POLR1A: variants seen among roughly 807,000 people sequenced by gnomAD.
POLR1A encodes DNA-directed RNA polymerase I subunit RPA1.
In POLR1A, 84 loss-of-function variants were observed where a neutral mutation model predicts 205.3. The ratio of observed to expected loss-of-function variants is 0.41; its 90% confidence interval spans 0.34 to 0.49. POLR1A has a LOEUF of 0.49. Among genes scored for constraint, POLR1A ranks in the 20% least tolerant of loss-of-function variants. The pLI is 0.22. For missense variants in POLR1A, 1,645 were observed against 2,204.5 expected (o/e 0.75, Z 5.08); for synonymous variants, 799 against 863.7 (o/e 0.93, Z 1.31).
chr2:86,095,492 A>G (rs1203215806), intron 3 of POLR1A, among the ~76,000 whole-genome samples: 1 of 152,260 alleles, frequency 6.6e-6, no homozygotes. Flanking sequence ...AAAATAATCA[A>G]TAACATTTTT....
chr2:86,034,210 G>A lies in POLR1A; in HGVS notation c.4035-423C>T, dbSNP rs989766402. 2.6e-5 allele frequency among the ~76,000 whole-genome samples: 4 copies of A among 152,202 alleles called. No individual in the cohort carries two copies. In the East Asian group the frequency reaches 5.8e-4, roughly 22 times the overall value. On this transcript the variant is annotated intron_variant, in intron 27 of 33. Coordinates refer to ENST00000263857, the MANE Select transcript of POLR1A (RefSeq NM_015425.6). ...GACAGTTGTAGGTGCCGCTGTGGTC[G>A]TCCTCTAACAAGGAAGGCAGAATCT...
At chr2:86,049,129 G>A in intron 17 of POLR1A, 31 bp downstream of exon 17, 1 of 1,609,042 alleles carries the variant, frequency 6.2e-7, no homozygotes, top group African/African-American at 1.3e-5. Context: ...ACCCCTCTAG[G>A]GCAGGCCACG....
At chr2:86,102,436 CTGTT>C (rs941520984) in intron 1 of POLR1A, among the ~76,000 whole-genome samples, 4 of 152,188 alleles carry the variant, frequency 2.6e-5, no homozygotes, top group Non-Finnish European at 5.9e-5. Context: ...GGAAAAATGT[CTGTT>C]TAAGTCCTTT....
intron 1 of POLR1A, among the ~76,000 whole-genome samples, chr2:86,103,615 A>G (rs2104440479): frequency 6.6e-6 from 1 of 152,336 alleles, no homozygotes; most frequent in East Asian, 1.9e-4. Context: ...TGATGATATA[A>G]TTGGAATTTC....
At chr2:86,064,854 A>AGCGATTCTCTTGCCTCAGGCTGAG (rs543258877) in intron 14 of POLR1A, among the ~76,000 whole-genome samples, 3 of 151,938 alleles carry the variant, frequency 2.0e-5, no homozygotes, top group Non-Finnish European at 4.4e-5. Flanking sequence ...CCTGGGTTCA[A>AGCGATTCTCTTGCCTCAGGCTGAG]GCGATTCTCT....
At chr2:86,068,402 G>GGGGGGGGGT (rs1319707259) in intron 13 of POLR1A, among the ~76,000 whole-genome samples, 2 of 99,256 alleles carry the variant, frequency 2.0e-5, no homozygotes, top group African/African-American at 3.8e-5. Flanking sequence ...GGGGGGGCGG[G>GGGGGGGGGT]TGTCGTCCAA....
intron 14 of POLR1A, among the ~76,000 whole-genome samples, chr2:86,062,675 CAAAGT>C (rs1673018676): frequency 1.3e-5 from 2 of 151,306 alleles, no homozygotes; most frequent in South Asian, 2.1e-4. Context: ...CAAATTAAAC[CAAAGT>C]AAACAGAAGA....
intron 6 of POLR1A, among the ~76,000 whole-genome samples, chr2:86,087,035 A>G (rs1391507880): frequency 6.6e-6 from 1 of 152,216 alleles, no homozygotes; most frequent in East Asian, 1.9e-4. Flanking sequence ...TAAAAAGGAA[A>G]TTACTGGAAA....
chr2:86,050,593 T>C (rs932288836), intron 16 of POLR1A, among the ~76,000 whole-genome samples: 1 of 152,174 alleles, frequency 6.6e-6, no homozygotes, highest in Non-Finnish European at 1.5e-5. Flanking sequence ...CTCTGGATCA[T>C]CTTCACACTC....
At chr2:86,047,687 C>T (rs1411144056) in intron 18 of POLR1A, among the ~76,000 whole-genome samples, 1 of 152,220 alleles carries the variant, frequency 6.6e-6, no homozygotes, top group Non-Finnish European at 1.5e-5. Context: ...CCAACATCCG[C>T]ATCATGTCAC....
In POLR1A at chr2:86,032,255, C is replaced by T. The variant is rs373782870; in HGVS notation, c.4272+17G>A. 1 of 1,539,256 alleles carries T rather than the reference C, an allele frequency of 6.5e-7. No homozygotes were observed. Among genetic ancestry groups the T allele is most frequent in the Admixed American group, 1.7e-5 (1 of 59,784 alleles). On this transcript the variant is annotated intron_variant, in intron 29 of 33. Coordinates refer to ENST00000263857, the MANE Select transcript of POLR1A (RefSeq NM_015425.6). ...GGCTGGGACCACAGCTCCTTCACCC[C>T]ACACAGGGTCTCTCACCTCCTCCTC...
rs1690197303 is a variant in POLR1A at position 86,023,580 on chromosome 2, G to T, written c.*3843C>A. 6.6e-6 allele frequency: 1 copy of T among 152,112 alleles called. No homozygotes were observed. The allele number at this position is 152,112 out of a possible 1,614,324, so 9.4% of individuals were successfully genotyped here. ...ACATTAGGGTGGCTACTATTAACAAGAACAAGGATGTGGAGAAATTGAAAT... is the reference window on the plus strand; with the variant it reads ...ACATTAGGGTGGCTACTATTAACAATAACAAGGATGTGGAGAAATTGAAAT... On this transcript the variant is annotated 3_prime_UTR_variant, in exon 34 of 34. Coordinates refer to ENST00000263857, the MANE Select transcript of POLR1A (RefSeq NM_015425.6).
At chr2:86,047,713 A>C (rs1672733948) in intron 18 of POLR1A, among the ~76,000 whole-genome samples, 1 of 152,162 alleles carries the variant, frequency 6.6e-6, no homozygotes. Flanking sequence ...CGAACATGCC[A>C]CCCAAGCCCC....
At chr2:86,088,993 TAAAC>T in intron 4 of POLR1A, 123 bp from the exon 5 acceptor site, 1 of 650,728 alleles carries the variant, frequency 1.5e-6, no homozygotes, top group Non-Finnish European at 2.6e-6. Context: ...ACCACTTTCT[TAAAC>T]AAAATCTTCC....
intron 14 of POLR1A, among the ~76,000 whole-genome samples, chr2:86,059,136 G>T (rs1672952349): frequency 6.6e-6 from 1 of 151,838 alleles, no homozygotes; most frequent in African/African-American, 2.4e-5. Context: ...AACACAGGAG[G>T]GGTTAAAAAG....
intron 7 of POLR1A, among the ~76,000 whole-genome samples, chr2:86,082,573 A>T (rs534533485): frequency 6.2e-4 from 94 of 151,518 alleles, no homozygotes; most frequent in Admixed American, 6.2e-3. Flanking sequence ...CTTTAACAAC[A>T]TGTTCATTTG....
chr2:86,080,725 G>A, intron 9 of POLR1A, 91 bp downstream of exon 9: 1 of 1,265,156 alleles, frequency 7.9e-7, no homozygotes, highest in Non-Finnish European at 1.1e-6. Flanking sequence ...ATCCCAGGAA[G>A]CATCTCCCAG....
At chr2:86,042,885 C>T in intron 23 of POLR1A, 89 bp downstream of exon 23, 3 of 916,218 alleles carry the variant, frequency 3.3e-6, no homozygotes, top group Non-Finnish European at 5.4e-6. Flanking sequence ...CATGATTCTA[C>T]CTTCTCTTAG....
At chr2:86,056,627 C>T (rs1282438191) in intron 14 of POLR1A, among the ~76,000 whole-genome samples, 1 of 152,096 alleles carries the variant, frequency 6.6e-6, no homozygotes, top group Admixed American at 6.5e-5. Context: ...TTCACAGCTT[C>T]AAAGGACAGT....
Sources: allele counts gnomAD v4.1 joint callset (sites outside exome capture counted in the v4.1 genomes callset), GRCh38; gene constraint gnomAD v4.1.1; transcripts MANE v1.5; gene names NCBI Gene and HGNC (gene_info 2026-07-23, HGNC 2026-07-21).